PALS2: variants seen among roughly 807,000 people sequenced by gnomAD.
The protein encoded by PALS2 is protein associated with LIN7 2, MAGUK p55 family member.
Under a neutral mutation model 61.6 loss-of-function variants are expected in PALS2, and 27 were observed. The ratio of observed to expected loss-of-function variants is 0.44; its 90% CI spans 0.32 to 0.60. The LOEUF (loss-of-function observed/expected upper bound fraction) is 0.60. PALS2 is among the 20% of genes least tolerant of loss of function. The pLI is 0.05. For synonymous variants in PALS2, 236 were observed against 218.6 expected, an observed-to-expected ratio of 1.08 and a Z score of -0.70; for missense variants, 554 against 639.4, an observed-to-expected ratio of 0.87 and a Z score of 1.44.
In PALS2 at chr7:24,654,081, A is replaced by G. The variant is rs918601425; in HGVS notation, c.651+3369A>G. On this transcript the variant is annotated intron_variant, in intron 5 of 11. Coordinates refer to ENST00000222644, the MANE Select transcript of PALS2 (RefSeq NM_001303037.2). The stretch of plus-strand genomic sequence containing the variant: ...TTTTAAAATTTTTGTTTTATATATG[A>G]TAAAATGTAAGTCTATAAATTCCAA... Among the ~76,000 whole-genome samples, 6 of 152,188 alleles carry G rather than the reference A, an allele frequency of 3.9e-5. No homozygotes were observed. The East Asian group carries it at 9.6e-4, about 24-fold the overall frequency.
rs551412117 is a variant in PALS2 at position 24,684,626 on chromosome 7, A to G, written c.1447-2812A>G. On this transcript the variant is annotated intron_variant, in intron 11 of 11. Coordinates refer to ENST00000222644, the MANE Select transcript of PALS2 (RefSeq NM_001303037.2). ...GGGTGTACATTAAACTTAGTTGGAC[A>G]TTGTTTTTAGACCTTTTCAGTAACC... Among the ~76,000 whole-genome samples the G allele has an allele frequency of 5.9e-5, 9 of 152,326 alleles. No individual in the cohort carries two copies. In the South Asian group the frequency reaches 1.2e-3, roughly 21 times the overall value.
chr7:24,609,624 C>T (rs185555107), intron 1 of PALS2, among the ~76,000 whole-genome samples: 2 of 152,224 alleles, frequency 1.3e-5, no homozygotes, highest in Non-Finnish European at 2.9e-5. Flanking sequence ...AGTGCATTCA[C>T]TCCTAGGCAA....
At chr7:24,588,134 G>A (rs1003607870) in intron 1 of PALS2, among the ~76,000 whole-genome samples, 1 of 152,146 alleles carries the variant, frequency 6.6e-6, no homozygotes, top group Non-Finnish European at 1.5e-5. Flanking sequence ...ACAGCAGTGC[G>A]AAGATTGAAA....
chr7:24,648,702 G>A (rs1314484481), intron 3 of PALS2, among the ~76,000 whole-genome samples: 6 of 151,810 alleles, frequency 4.0e-5, no homozygotes, highest in Non-Finnish European at 8.8e-5. Context: ...TCAGGAGATC[G>A]AGACCATCCT....
Position 24,687,427 on chromosome 7 carries a change from C to T in PALS2, c.1447-11C>T, listed in dbSNP as rs774649560. On this transcript the variant is annotated splice_polypyrimidine_tract_variant and intron_variant, in intron 11 of 11. Transcript: ENST00000222644. This position sits in a 1 kb window ranked among gnomAD's most constrained non-coding sequence, Gnocchi z 4.5. ...GTAATACAAACATTTCCTTTTAAAA[C>T]TCTTCAACAGGACTCTGACTTGAAG... 1.4e-5 allele frequency: 22 copies of T among 1,601,060 alleles called. No individual in the cohort carries two copies. Among genetic ancestry groups the T allele is most frequent in the Non-Finnish European group, 1.9e-5 (22 of 1,174,948 alleles).
At chr7:24,666,722 T>C (rs1024666179) in intron 8 of PALS2, 3 of 152,292 alleles carry the variant, frequency 2.0e-5, no homozygotes, top group Middle Eastern at 3.4e-3. Flanking sequence ...TGTTTGTCAG[T>C]TGTACCTCAG....
In PALS2 at chr7:24,679,082, T is replaced by TA. The variant is rs749019909; in HGVS notation, c.1115-48dup. ...ACCCTATGTATTTTAGTCTATTTTT[T>TA]ATGCCCTAAAATTTCTTTGTACAAA... On this transcript the variant is annotated intron_variant, in intron 9 of 11. Transcript: ENST00000222644. The TA allele has an allele frequency of 1.9e-6, 3 of 1,551,582 alleles. No individual in the cohort carries two copies. In the South Asian group the frequency reaches 3.4e-5, roughly 17 times the overall value.
intron 9 of PALS2, chr7:24,674,674 G>T (rs1787469809): frequency 6.6e-6 from 1 of 152,006 alleles, no homozygotes; most frequent in South Asian, 2.1e-4. Flanking sequence ...GGTTATTTGG[G>T]AGTATATTGC....
Position 24,691,385 on chromosome 7 carries a change from A to ATGTGTGTG in PALS2, c.*3774_*3775insGTGTGTGT, listed in dbSNP as rs1306601413. 4.4e-4 allele frequency: 25 copies of ATGTGTGTG among 56,984 alleles called. 1 individual carries two copies. The highest frequency in any genetic ancestry group is 2.1e-3 in the African/African-American group (19 of 9,146). 3.5% of individuals were successfully genotyped at this position (56,984 alleles called of 1,614,324 possible). A position where few individuals can be genotyped will look rare whatever the true frequency, so the allele number is the denominator to read the frequency against. ...TTAAATGTTCGAGTTGCCATATATT[A>ATGTGTGTG]TGTATGTGTGTGTGTGTGTGTATAT... On this transcript the variant is annotated 3_prime_UTR_variant, in exon 12 of 12. Transcript: ENST00000222644.
chr7:24,680,321 A>G (rs1046642928), intron 10 of PALS2, 71 bp from the exon 11 acceptor site: 14 of 1,476,308 alleles, frequency 9.5e-6, no homozygotes, highest in African/African-American at 4.2e-5. Flanking sequence ...AGCCTTTGAT[A>G]TATACTAAAG....
intron 11 of PALS2, among the ~76,000 whole-genome samples, chr7:24,684,029 C>T (rs1043045360): frequency 1.3e-5 from 2 of 152,176 alleles, no homozygotes; most frequent in African/African-American, 4.8e-5. Context: ...AGTATCATTA[C>T]TGTGAACAGT....
At chr7:24,593,245 C>A (rs1783369003) in intron 1 of PALS2, among the ~76,000 whole-genome samples, 1 of 152,084 alleles carries the variant, frequency 6.6e-6, no homozygotes, top group Non-Finnish European at 1.5e-5. Flanking sequence ...TTGTAGCCTA[C>A]ATCTTCAGGC....
intron 2 of PALS2, among the ~76,000 whole-genome samples, chr7:24,628,927 A>G (rs536150175): frequency 3.6e-4 from 55 of 152,340 alleles, no homozygotes; most frequent in African/African-American, 1.2e-3. Context: ...AAAGTAATAT[A>G]TAATCTCAAT....
intron 1 of PALS2, among the ~76,000 whole-genome samples, chr7:24,605,745 A>AT (rs1554300338): frequency 6.6e-6 from 1 of 152,138 alleles, no homozygotes; most frequent in Non-Finnish European, 1.5e-5. Flanking sequence ...AATACCTGAA[A>AT]TTTTTTACAA....
intron 1 of PALS2, among the ~76,000 whole-genome samples, chr7:24,607,601 GTA>G (rs761811928): frequency 1.4e-3 from 208 of 149,102 alleles, no homozygotes; most frequent in Middle Eastern, 3.5e-3. Context: ...ATATGTGTGT[GTA>G]TATATACATA....
chr7:24,671,553 CTT>C (rs763335331), intron 9 of PALS2, among the ~76,000 whole-genome samples: 2 of 152,204 alleles, frequency 1.3e-5, no homozygotes, highest in South Asian at 2.1e-4. Flanking sequence ...ATTTATATGT[CTT>C]TTGTTGCTCA....
intron 1 of PALS2, among the ~76,000 whole-genome samples, chr7:24,601,654 A>G (rs1783723527): frequency 6.6e-6 from 1 of 152,076 alleles, no homozygotes; most frequent in Non-Finnish European, 1.5e-5. Flanking sequence ...TTTCTGAGGA[A>G]AAGTGTTTGT....
rs533127766 is a variant in PALS2 at position 24,593,084 on chromosome 7, CA to C, written c.-3+19492del. On this transcript the variant is annotated intron_variant, in intron 1 of 11. Transcript: ENST00000222644. ...ATCCTTTCAAACCCTGCTACTTTAC[CA>C]GCTAAACTTATGTAATATTCTAAAT... 1.2e-4 allele frequency among the ~76,000 whole-genome samples: 19 copies of C among 152,182 alleles called. No individual in the cohort carries two copies. The South Asian group carries it at 3.9e-3, about 32-fold the overall frequency.
In PALS2 at chr7:24,690,394, G is replaced by A. The variant is rs1388504569; in HGVS notation, c.*2780G>A. The A allele has an allele frequency of 6.6e-6, 1 of 152,196 alleles. No homozygotes were observed. The highest frequency in any genetic ancestry group is 2.1e-4 in the South Asian group (1 of 4,822). 9.4% of individuals were successfully genotyped at this position (152,196 alleles called of 1,614,324 possible). On this transcript the variant is annotated 3_prime_UTR_variant, in exon 12 of 12. Coordinates refer to ENST00000222644, the MANE Select transcript of PALS2 (RefSeq NM_001303037.2). ...ATGGAAGCGAAAATGGTTTAGAGTG[G>A]TGTTGAGCAATTGTTAAGAGTTGAA...
Sources: gnomAD v4.1 joint callset for allele counts (sites outside exome capture counted in the v4.1 genomes callset) on GRCh38, gnomAD v4.1.1 for gene constraint, Gnocchi (gnomAD v3.1) non-coding constraint, MANE v1.5 for transcripts, NCBI Gene and HGNC (gene_info 2026-07-23, HGNC 2026-07-21) for gene names.